Variants in NCK2 observed in about 807,000 individuals in gnomAD.
The protein encoded by NCK2 is cytoplasmic protein NCK2.
NCK2 carries 16 observed loss-of-function variants against 33.9 expected under a neutral mutation model. The ratio of observed to expected loss-of-function variants is 0.47; its 90% CI spans 0.32 to 0.72. The LOEUF is 0.72. Ranked by LOEUF, NCK2 falls within the 30% of genes least tolerant of loss-of-function variation. The probability of loss-of-function intolerance (pLI) is 0.03; values close to 1 mark genes in which losing one functional copy is unlikely to be tolerated. For missense variants in NCK2, 418 were observed against 537.3 expected, an observed-to-expected ratio of 0.78 and a Z score of 2.19; for synonymous variants, 273 against 239.9, an observed-to-expected ratio of 1.14 and a Z score of -1.27.
chr2:105,847,601 G>T (rs1676901477), intron 2 of NCK2, among the ~76,000 whole-genome samples: 1 of 152,056 alleles, frequency 6.6e-6, no homozygotes, highest in African/African-American at 2.4e-5. Flanking sequence ...CTTTCAGGGG[G>T]CTCCCAGGGT....
chr2:105,839,830 C>A (rs1021768169), intron 2 of NCK2, among the ~76,000 whole-genome samples: 2 of 152,162 alleles, frequency 1.3e-5, no homozygotes, highest in Non-Finnish European at 2.9e-5. Flanking sequence ...ACCCCTCCAT[C>A]TTTAGTTCAG....
chr2:105,796,486 G>T (rs1459038653), intron 1 of NCK2, among the ~76,000 whole-genome samples: 5 of 152,184 alleles, frequency 3.3e-5, no homozygotes, highest in Admixed American at 2.0e-4. Context: ...TTGGAGCAGG[G>T]AGCACATGGG....
chr2:105,878,358 G>T (rs1474056879), intron 3 of NCK2, among the ~76,000 whole-genome samples: 2 of 152,228 alleles, frequency 1.3e-5, no homozygotes, highest in East Asian at 1.9e-4. Context: ...CTTTACAGGG[G>T]TGATTAAGTT....
chr2:105,881,162 G>GC (rs760511385), intron 3 of NCK2, among the ~76,000 whole-genome samples, 166 bp from the exon 4 acceptor site: 2 of 152,126 alleles, frequency 1.3e-5, no homozygotes, highest in Non-Finnish European at 2.9e-5. Context: ...GGAGGCAGCT[G>GC]CCAGCAACCG....
chr2:105,832,745 G>A (rs1349756322), intron 2 of NCK2, among the ~76,000 whole-genome samples: 1 of 150,262 alleles, frequency 6.7e-6, no homozygotes, highest in Non-Finnish European at 1.5e-5. Context: ...ATGTTCATCA[G>A]GCACATTGGC....
intron 2 of NCK2, among the ~76,000 whole-genome samples, chr2:105,843,186 G>C (rs1407220817): frequency 6.6e-6 from 1 of 151,946 alleles, no homozygotes; most frequent in Non-Finnish European, 1.5e-5. Flanking sequence ...CTAAATTTAT[G>C]TTTCATATAT....
At chr2:105,867,181 A>G (rs1463282708) in intron 3 of NCK2, among the ~76,000 whole-genome samples, 2 of 152,260 alleles carry the variant, frequency 1.3e-5, no homozygotes, top group Non-Finnish European at 2.9e-5. Context: ...CGCTTCTCCA[A>G]CAAATTGTTT....
rs1261981600 is a variant in NCK2 at position 105,881,755 on chromosome 2, G to A, written c.654G>A (p.Lys218=). The A allele has an allele frequency of 5.0e-6, 8 of 1,614,230 alleles. 1 individual carries two copies. The Middle Eastern group carries it at 5.0e-4, about 100-fold the overall frequency. The change falls in exon 4 of 5, where the codon AAG becomes AAA. Residue 218 remains lysine (K), a synonymous_variant. Transcript: ENST00000233154. ...CCGAGGAGGAGCTCAACTTCGAGAAGGGGGAGACCATGGAGGTGATTGAGA... is the reference window on the plus strand; with the variant it reads ...CCGAGGAGGAGCTCAACTTCGAGAAAGGGGAGACCATGGAGGTGATTGAGA... ...SVTEEELNFE[K]GETMEVIEKP... is the part of the protein sequence containing the mutation.
chr2:105,785,620 C>T (rs981535589), intron 1 of NCK2, among the ~76,000 whole-genome samples: 3 of 152,200 alleles, frequency 2.0e-5, no homozygotes, highest in Non-Finnish European at 4.4e-5. Context: ...AGAGTGGAAG[C>T]CACAGGATTG....
chr2:105,788,739 G>A (rs1316653824), intron 1 of NCK2, among the ~76,000 whole-genome samples: 1 of 151,160 alleles, frequency 6.6e-6, no homozygotes, highest in Non-Finnish European at 1.5e-5. Flanking sequence ...TTTTTTGTTT[G>A]TTCTCCTTCA....
chr2:105,775,670 T>A (rs1690275096), intron 1 of NCK2, among the ~76,000 whole-genome samples: 1 of 152,226 alleles, frequency 6.6e-6, no homozygotes, highest in African/African-American at 2.4e-5. Context: ...TAATTACAAC[T>A]GTTTGAAAAT....
intron 1 of NCK2, among the ~76,000 whole-genome samples, chr2:105,764,675 T>A (rs1331293753): frequency 6.6e-6 from 1 of 152,240 alleles, no homozygotes; most frequent in East Asian, 1.9e-4. Flanking sequence ...TTGGTGTGAA[T>A]TTACTTTTAA....
intron 1 of NCK2, among the ~76,000 whole-genome samples, chr2:105,770,126 A>G: frequency 3.7e-5 from 1 of 26,968 alleles, no homozygotes; most frequent in East Asian, 1.1e-3. Flanking sequence ...CTAATAAGTA[A>G]AAAAAAAAAA....
chr2:105,855,401 ATCT>A, intron 3 of NCK2, 112 bp downstream of exon 3: 1 of 763,550 alleles, frequency 1.3e-6, no homozygotes, highest in Admixed American at 2.9e-5. Flanking sequence ...AAAAGTTAAT[ATCT>A]TCCTAGTTGT....
chr2:105,883,298 G>A (rs1275775803), intron 4 of NCK2, among the ~76,000 whole-genome samples: 1 of 152,212 alleles, frequency 6.6e-6, no homozygotes, highest in African/African-American at 2.4e-5. Context: ...CGTGTTTGAA[G>A]CCTTAAGCAA....
At chr2:105,820,813 T>A (rs1249842131) in intron 2 of NCK2, among the ~76,000 whole-genome samples, 1 of 152,180 alleles carries the variant, frequency 6.6e-6, no homozygotes, top group Non-Finnish European at 1.5e-5. Flanking sequence ...GACAGACATG[T>A]CCTAATGGAC....
chr2:105,794,411 G>A (rs774476784), intron 1 of NCK2, among the ~76,000 whole-genome samples: 6 of 151,898 alleles, frequency 4.0e-5, no homozygotes, highest in Admixed American at 6.5e-5. Context: ...GATCGTTTAC[G>A]TAATGACTTA....
intron 1 of NCK2, among the ~76,000 whole-genome samples, chr2:105,751,596 G>T (rs1162700435): frequency 6.6e-6 from 1 of 152,166 alleles, no homozygotes. Flanking sequence ...CTGATGGTTT[G>T]CTAATTGTGA....
intron 3 of NCK2, among the ~76,000 whole-genome samples, chr2:105,862,020 C>T (rs916157368): frequency 3.3e-5 from 5 of 150,664 alleles, no homozygotes; most frequent in Non-Finnish European, 7.4e-5. Flanking sequence ...TGGCTGTAAA[C>T]TGCAACCAGG....
Sources: allele counts gnomAD v4.1 joint callset (sites outside exome capture counted in the v4.1 genomes callset), GRCh38; gene constraint gnomAD v4.1.1; transcripts MANE v1.5; gene names NCBI Gene and HGNC (gene_info 2026-07-23, HGNC 2026-07-21).